CHN1: variants seen among roughly 807,000 people sequenced by gnomAD.
CHN1 encodes the protein N-chimaerin.
Under a neutral mutation model 59.5 loss-of-function variants are expected in CHN1, and 37 were observed. That is an observed-to-expected ratio of 0.62 (90% CI 0.48 to 0.82). The LOEUF (loss-of-function observed/expected upper bound fraction) is 0.82. CHN1 is among the 40% of genes least tolerant of loss of function. The pLI, the probability that CHN1 is intolerant of heterozygous loss-of-function variation, is 0.00. For synonymous variants in CHN1, 206 were observed against 200.4 expected (o/e 1.03, Z -0.24); for missense variants, 469 against 571.0 (o/e 0.82, Z 1.82).
At chr2:174,983,955 G>T (rs907896155) in intron 1 of CHN1, among the ~76,000 whole-genome samples, 2 of 151,986 alleles carry the variant, frequency 1.3e-5, no homozygotes, top group Non-Finnish European at 2.9e-5. Flanking sequence ...GACTCAGAAA[G>T]AACAAAAGTC....
At chr2:175,000,996 A>T (rs566988404) in intron 1 of CHN1, among the ~76,000 whole-genome samples, 1 of 152,320 alleles carries the variant, frequency 6.6e-6, no homozygotes, top group East Asian at 1.9e-4. Context: ...TAGTGCAACT[A>T]CAGTCTTGAA....
At chr2:174,921,442 G>A (rs532477453) in intron 3 of CHN1, among the ~76,000 whole-genome samples, 18 of 152,064 alleles carry the variant, frequency 1.2e-4, no homozygotes, top group African/African-American at 4.3e-4. Context: ...CCTTTCAACC[G>A]ATTATAACAT....
chr2:174,894,260 C>T (rs761642177), intron 5 of CHN1, among the ~76,000 whole-genome samples: 1 of 151,878 alleles, frequency 6.6e-6, no homozygotes, highest in African/African-American at 2.4e-5. Context: ...ATATAAAGAA[C>T]CCCTATAACT....
At chr2:174,957,130 C>G (rs1690232864) in intron 1 of CHN1, among the ~76,000 whole-genome samples, 1 of 152,196 alleles carries the variant, frequency 6.6e-6, no homozygotes. Flanking sequence ...CACATGCATA[C>G]TCTCCAAAAG....
chr2:174,932,100 A>G (rs748709575), intron 3 of CHN1, among the ~76,000 whole-genome samples: 4 of 152,254 alleles, frequency 2.6e-5, no homozygotes, highest in Non-Finnish European at 4.4e-5. Context: ...GGAATAGACC[A>G]TAAGGGGAAA....
intron 1 of CHN1, among the ~76,000 whole-genome samples, chr2:175,001,165 A>T (rs928591729): frequency 6.6e-6 from 1 of 152,234 alleles, no homozygotes. Context: ...ATGACAGCTG[A>T]AAAGAATATA....
chr2:174,922,484 A>G (rs768512267), intron 3 of CHN1, among the ~76,000 whole-genome samples: 1 of 152,194 alleles, frequency 6.6e-6, no homozygotes, highest in Non-Finnish European at 1.5e-5. Context: ...TGAGGCCATA[A>G]GCTCAAGTCT....
chr2:174,952,317 T>C (rs775563567), intron 1 of CHN1, 115 bp from the exon 2 acceptor site: 3 of 637,252 alleles, frequency 4.7e-6, no homozygotes, highest in Non-Finnish European at 4.9e-6. Context: ...CTAGGTATTG[T>C]GCTAGGCACT....
At chr2:174,891,574 A>C (rs1558969735) in intron 5 of CHN1, among the ~76,000 whole-genome samples, 1 of 151,754 alleles carries the variant, frequency 6.6e-6, no homozygotes, top group Non-Finnish European at 1.5e-5. Context: ...ATCTCAAAAA[A>C]AAAAAAAGAA....
intron 5 of CHN1, among the ~76,000 whole-genome samples, chr2:174,911,658 T>A (rs547581867): frequency 1.1e-4 from 16 of 152,318 alleles, no homozygotes; most frequent in African/African-American, 3.8e-4. Flanking sequence ...GGTGAAAACT[T>A]CTTTTCTGAC....
chr2:174,800,484 GGTA>G (rs1282719036), intron 12 of CHN1, among the ~76,000 whole-genome samples, 197 bp from the exon 13 acceptor site: 1 of 152,102 alleles, frequency 6.6e-6, no homozygotes, highest in Non-Finnish European at 1.5e-5. Context: ...TTAAACTTGT[GGTA>G]ATCACTGAGG....
chr2:174,850,612 T>C (rs1379188211), intron 6 of CHN1, among the ~76,000 whole-genome samples: 1 of 152,114 alleles, frequency 6.6e-6, no homozygotes, highest in African/African-American at 2.4e-5. Flanking sequence ...AGGTATATAG[T>C]GTAAGTATAA....
Position 175,004,877 on chromosome 2 carries a change from G to T in CHN1, c.19+17C>A. ...CGCGGCCCACCTGCGGCGGCGCGGG[G>T]AGACGGCTGCACTTACCAAACAGGG... On this transcript the variant is annotated intron_variant, in intron 1 of 12. Coordinates refer to ENST00000409900, the MANE Select transcript of CHN1 (RefSeq NM_001822.7). 1 of 1,401,150 alleles carries T rather than the reference G, an allele frequency of 7.1e-7. No homozygotes were observed. The allele number at this position is 1,401,150 out of a possible 1,614,324, so 86.8% of individuals were successfully genotyped here. A position where few individuals can be genotyped will look rare whatever the true frequency, so the allele number is the denominator to read the frequency against.
intron 1 of CHN1, among the ~76,000 whole-genome samples, 157 bp from the exon 2 acceptor site, chr2:174,952,359 G>T (rs1345300094): frequency 6.6e-6 from 1 of 151,614 alleles, no homozygotes; most frequent in Non-Finnish European, 1.5e-5. Context: ...TTTTAGTCTT[G>T]GTCCTTACTT....
At chr2:174,981,639 C>G (rs1395047183) in intron 1 of CHN1, among the ~76,000 whole-genome samples, 2 of 152,118 alleles carry the variant, frequency 1.3e-5, no homozygotes, top group Non-Finnish European at 2.9e-5. Flanking sequence ...TTATACATGT[C>G]TGAATACTTA....
intron 6 of CHN1, among the ~76,000 whole-genome samples, chr2:174,850,597 G>C (rs556698940): frequency 6.6e-6 from 1 of 152,246 alleles, no homozygotes; most frequent in East Asian, 1.9e-4. Context: ...CCCAATATTA[G>C]CTGTAGGTAT....
At chr2:174,965,159 T>C (rs559969000) in intron 1 of CHN1, among the ~76,000 whole-genome samples, 3 of 152,240 alleles carry the variant, frequency 2.0e-5, no homozygotes, top group African/African-American at 7.2e-5. Flanking sequence ...CTTAATGTCC[T>C]GATTTTTTGG....
rs147532413 is a variant in CHN1, at chr2:174,815,958, C to A, written c.713-3476G>T. ...TACTGCAGTGCTATTGTGCCTGCCC[C>A]ACTTGTATATTACCCAAATGGCAGG... On this transcript the variant is annotated intron_variant, in intron 8 of 12. Transcript: ENST00000409900. Among the ~76,000 whole-genome samples the A allele has an allele frequency of 1.6e-3, 248 of 152,186 alleles. 1 individual carries two copies. The highest frequency in any genetic ancestry group is 2.5e-3 in the Non-Finnish European group (171 of 67,998).
intron 5 of CHN1, among the ~76,000 whole-genome samples, chr2:174,911,058 G>A (rs1355189820): frequency 6.6e-6 from 1 of 151,784 alleles, no homozygotes; most frequent in Non-Finnish European, 1.5e-5. Context: ...AAATAACATA[G>A]TATTTGACAT....
Sources: gnomAD v4.1 joint callset for allele counts (sites outside exome capture counted in the v4.1 genomes callset) on GRCh38, gnomAD v4.1.1 for gene constraint, MANE v1.5 for transcripts, NCBI Gene and HGNC (gene_info 2026-07-23, HGNC 2026-07-21) for gene names.